XDH: variants seen among roughly 807,000 people sequenced by gnomAD.
XDH encodes xanthine dehydrogenase.
In XDH, 138 loss-of-function variants were observed where a neutral mutation model predicts 156.1. The observed-to-expected ratio is 0.88, with a 90% CI of 0.77 to 1.02. The LOEUF is 1.02. Among genes scored for constraint, XDH ranks in the 50% least tolerant of loss-of-function variants. XDH has a pLI of 0.00. For synonymous variants in XDH, 669 were observed against 625.7 expected (o/e 1.07, Z -1.03); for missense variants, 1,849 against 1,684.9 (o/e 1.10, Z -1.71).
chr2:31,392,586 G>A (rs1248410812), intron 6 of XDH, among the ~76,000 whole-genome samples: 2 of 151,866 alleles, frequency 1.3e-5, no homozygotes, highest in Admixed American at 6.6e-5. Context: ...CACCATGCCT[G>A]GCTAATTTTT....
intron 1 of XDH, among the ~76,000 whole-genome samples, chr2:31,411,784 G>A (rs536246042): frequency 6.6e-6 from 1 of 152,322 alleles, no homozygotes; most frequent in South Asian, 2.1e-4. Flanking sequence ...CATTTCAGAA[G>A]GTATTACTTT....
intron 13 of XDH, among the ~76,000 whole-genome samples, chr2:31,378,185 A>AGGAAGGAAGGAAGGAAGGAT (rs1558696923): frequency 1.1e-5 from 1 of 94,324 alleles, no homozygotes; most frequent in African/African-American, 3.7e-5. Context: ...GAAGCAAGCA[A>AGGAAGGAAGGAAGGAAGGAT]GCAAGCAAAG....
chr2:31,361,233 C>T (rs1207730508), intron 24 of XDH, among the ~76,000 whole-genome samples: 1 of 152,246 alleles, frequency 6.6e-6, no homozygotes, highest in Non-Finnish European at 1.5e-5. Context: ...ACTATTCCAA[C>T]TTGCTGAGAA....
rs1437381056 is a variant in XDH at position 31,365,514 on chromosome 2, G to T, written c.2487C>A (p.Asp829Glu). 2 of 1,614,054 alleles carry T rather than the reference G, an allele frequency of 1.2e-6. No homozygotes were observed. Among genetic ancestry groups the T allele is most frequent in the African/African-American group, 2.7e-5 (2 of 74,918 alleles). ...KTGRPVRCMLDRDEDMLITGG... is the reference protein window; with the variant it reads ...KTGRPVRCMLERDEDMLITGG... ...CAGTTATCAGCATGTCCTCATCACGGTCCAGCATGCATCGCACAGGGCGGC... is the reference window on the plus strand; with the variant it reads ...CAGTTATCAGCATGTCCTCATCACGTTCCAGCATGCATCGCACAGGGCGGC... Residue 829 changes from aspartate (D) to glutamate (E), a missense_variant, in exon 23 of 36, where the codon GAC becomes GAA. Physicochemically the swap from Asp to Glu is conservative, Grantham distance 45. Coordinates refer to ENST00000379416, the MANE Select transcript of XDH (RefSeq NM_000379.4).
intron 9 of XDH, 95 bp downstream of exon 9, chr2:31,386,319 G>C: frequency 6.5e-7 from 1 of 1,540,682 alleles, no homozygotes; most frequent in African/African-American, 1.4e-5. Flanking sequence ...GGGTGCAGAG[G>C]CAAGTAAAGT....
chr2:31,401,391 C>T (rs1687055092), intron 3 of XDH, 63 bp from the exon 4 acceptor site: 28 of 1,552,942 alleles, frequency 1.8e-5, no homozygotes, highest in Non-Finnish European at 2.4e-5. Flanking sequence ...ATGGGCCTGA[C>T]TGTGAGCTCT....
intron 24 of XDH, among the ~76,000 whole-genome samples, chr2:31,355,146 GA>G (rs1336672143): frequency 6.6e-6 from 1 of 152,132 alleles, no homozygotes; most frequent in Non-Finnish European, 1.5e-5. Context: ...GGTGCTGAAA[GA>G]AACGAACTGT....
At chr2:31,397,355 C>T (rs1686937614) in intron 6 of XDH, among the ~76,000 whole-genome samples, 1 of 152,216 alleles carries the variant, frequency 6.6e-6, no homozygotes, top group Non-Finnish European at 1.5e-5. Flanking sequence ...CTGCCAGTCT[C>T]CAAGGGAAAG....
At chr2:31,337,284 A>C (rs1057312414) in intron 35 of XDH, among the ~76,000 whole-genome samples, 45 of 148,686 alleles carry the variant, frequency 3.0e-4, no homozygotes, top group Admixed American at 2.9e-3. Context: ...ACATAAATTA[A>C]AAAAAAAAAT....
At chr2:31,392,788 T>A (rs938868148) in intron 6 of XDH, among the ~76,000 whole-genome samples, 3 of 152,234 alleles carry the variant, frequency 2.0e-5, no homozygotes, top group Non-Finnish European at 2.9e-5. Context: ...CCTCTAAGCA[T>A]TGTTTTCACT....
chr2:31,379,318 G>T (rs556161010), intron 13 of XDH, among the ~76,000 whole-genome samples: 116 of 152,278 alleles, frequency 7.6e-4, no homozygotes, highest in African/African-American at 2.7e-3. Context: ...GCAACACCTC[G>T]TCAAGCCTAA....
intron 6 of XDH, among the ~76,000 whole-genome samples, chr2:31,391,645 T>A (rs567305667): frequency 2.2e-4 from 33 of 152,324 alleles, no homozygotes; most frequent in African/African-American, 7.2e-4. Flanking sequence ...TATCTCTCCA[T>A]TTGTTTAGTT....
chr2:31,375,789 T>C (rs563297492), intron 14 of XDH, among the ~76,000 whole-genome samples: 1 of 152,358 alleles, frequency 6.6e-6, no homozygotes, highest in Non-Finnish European at 1.5e-5. Context: ...TTAAAATCTA[T>C]CAAGTCCTCA....
At chr2:31,411,880 A>G (rs973986290) in intron 1 of XDH, among the ~76,000 whole-genome samples, 2 of 152,208 alleles carry the variant, frequency 1.3e-5, no homozygotes, top group Non-Finnish European at 2.9e-5. Context: ...CCCCCAGTGC[A>G]TATCCTGTTG....
At chr2:31,408,013 C>A (rs1195255480) in intron 1 of XDH, among the ~76,000 whole-genome samples, 1 of 152,100 alleles carries the variant, frequency 6.6e-6, no homozygotes, top group East Asian at 1.9e-4. Flanking sequence ...TACTGCAGTT[C>A]TGCTTTTATC....
rs2281549 is a variant in XDH, at chr2:31,367,760, G to C, written c.2197+201C>G. Reference sequence around the variant, plus strand: ...CTCTAGAATCATTAGGTCCAGCCTAGAGACAGGAGAGTAGAGATTAAGATA... The same window carrying C: ...CTCTAGAATCATTAGGTCCAGCCTACAGACAGGAGAGTAGAGATTAAGATA... On this transcript the variant is annotated intron_variant, in intron 20 of 35. Coordinates refer to ENST00000379416, the MANE Select transcript of XDH (RefSeq NM_000379.4). Among the ~76,000 whole-genome samples the C allele has an allele frequency of 0.35, 52,807 of 152,012 alleles. 9,378 individuals carry two copies. The highest frequency in any genetic ancestry group is 0.38 in the African/African-American group (15,900 of 41,436).
Position 31,335,278 on chromosome 2 carries a change from CAA to C in XDH, c.*678_*679del, listed in dbSNP as rs1684944475. ...GTATTTGGAATACAAATATTCTCTT[CAA>C]AGAGGAAGGGAAAGAAATCTAGAAC... On this transcript the variant is annotated 3_prime_UTR_variant, in exon 36 of 36. Coordinates refer to ENST00000379416, the MANE Select transcript of XDH (RefSeq NM_000379.4). The C allele has an allele frequency of 6.5e-6, 1 of 154,076 alleles. No homozygotes were observed. Among genetic ancestry groups the C allele is most frequent in the African/African-American group, 2.4e-5 (1 of 41,396 alleles). The allele number at this position is 154,076 out of a possible 1,614,324, so 9.5% of individuals were successfully genotyped here. A position where few individuals can be genotyped will look rare whatever the true frequency, so the allele number is the denominator to read the frequency against.
Position 31,362,660 on chromosome 2 carries a change from A to G in XDH, c.2631+1498T>C, listed in dbSNP as rs542509368. Among the ~76,000 whole-genome samples, 15 of 152,278 alleles carry G rather than the reference A, an allele frequency of 9.9e-5. No homozygotes were observed. In the South Asian group the frequency reaches 1.2e-3, roughly 13 times the overall value. On this transcript the variant is annotated intron_variant, in intron 24 of 35. Transcript: ENST00000379416. ...ATAGGTTCTTGAGCCAGTATTCCAA[A>G]CTGTTTCATTATAAAGTTCCTTTTA...
chr2:31,354,758 G>GA (rs904531537), intron 24 of XDH, among the ~76,000 whole-genome samples: 11 of 150,600 alleles, frequency 7.3e-5, no homozygotes, highest in East Asian at 3.9e-4. Context: ...AATATGGAAT[G>GA]AAAAAAAAAT....
Sources: allele counts gnomAD v4.1 joint callset (sites outside exome capture counted in the v4.1 genomes callset), GRCh38; gene constraint gnomAD v4.1.1; transcripts MANE v1.5; gene names NCBI Gene and HGNC (gene_info 2026-07-23, HGNC 2026-07-21).